The following ALK variants were observed in gnomAD, a reference collection of about 807,000 sequenced individuals.
ALK encodes ALK tyrosine kinase receptor.
In ALK, 74 loss-of-function variants were observed where a neutral mutation model predicts 163.1. The ratio of observed to expected loss-of-function variants is 0.45; its 90% confidence interval spans 0.38 to 0.55. The LOEUF is 0.55. ALK is among the 20% of genes least tolerant of loss of function. The pLI is 0.00. For missense variants in ALK, 2,063 were observed against 2,105.3 expected (o/e 0.98, Z 0.39); for synonymous variants, 960 against 843.2 (o/e 1.14, Z -2.40).
At chr2:29,892,290 G>A (rs563700670) in intron 1 of ALK, 2 of 152,330 alleles carry the variant, frequency 1.3e-5, no homozygotes, top group South Asian at 2.1e-4. Context: ...ATGGGAAGAT[G>A]CATGGAGCAG....
chr2:29,862,772 C>T lies in ALK; in HGVS notation c.667+57221G>A, dbSNP rs571235654. Among the ~76,000 whole-genome samples, 7 of 151,132 alleles carry T rather than the reference C, an allele frequency of 4.6e-5. No individual in the cohort carries two copies. In the South Asian group the frequency reaches 1.5e-3, roughly 32 times the overall value. ...TTTCACAGACATAGAGAAAGCAATC[C>T]TAAAATTCATATAGAACCAGAAAAG... On this transcript the variant is annotated intron_variant, in intron 1 of 28. Transcript: ENST00000389048.
chr2:29,399,411 C>T (rs1297261459), intron 4 of ALK, among the ~76,000 whole-genome samples: 1 of 152,206 alleles, frequency 6.6e-6, no homozygotes, highest in Non-Finnish European at 1.5e-5. Flanking sequence ...ACACATACAA[C>T]CCCCACCGCC....
At chr2:29,319,110 C>T (rs1327257059) in intron 7 of ALK, 1 of 152,318 alleles carries the variant, frequency 6.6e-6, no homozygotes, top group Non-Finnish European at 1.5e-5. Context: ...TGAAGACTCA[C>T]TTCTTATATT....
intron 4 of ALK, among the ~76,000 whole-genome samples, chr2:29,396,711 A>T (rs1669313433): frequency 6.6e-6 from 1 of 151,820 alleles, no homozygotes; most frequent in Admixed American, 6.6e-5. Flanking sequence ...AAAACCCTCA[A>T]ACATGACCAC....
chr2:29,729,507 T>C (rs906634012), intron 1 of ALK, among the ~76,000 whole-genome samples: 1 of 152,080 alleles, frequency 6.6e-6, no homozygotes, highest in Non-Finnish European at 1.5e-5. Flanking sequence ...AGTACCACGG[T>C]AAAAAGGCCA....
chr2:29,664,336 C>A (rs1168372806), intron 3 of ALK, among the ~76,000 whole-genome samples: 1 of 152,082 alleles, frequency 6.6e-6, no homozygotes, highest in South Asian at 2.1e-4. Flanking sequence ...TTACTAAATA[C>A]CCAGTTGTCC....
chr2:29,228,761 G>T (rs972849884), intron 16 of ALK, 123 bp downstream of exon 16: 2 of 723,828 alleles, frequency 2.8e-6, no homozygotes, highest in Non-Finnish European at 5.0e-6. Flanking sequence ...AGGGAGGCGT[G>T]CAGTCACATC....
At chr2:29,269,798 C>T (rs1315979819) in intron 11 of ALK, among the ~76,000 whole-genome samples, 1 of 151,634 alleles carries the variant, frequency 6.6e-6, no homozygotes, top group Non-Finnish European at 1.5e-5. Flanking sequence ...CCTTAATGAA[C>T]AGTCCCCCCC....
At chr2:29,207,315 G>A (rs780177604) in intron 25 of ALK, 43 bp from the exon 26 acceptor site, 2 of 1,451,682 alleles carry the variant, frequency 1.4e-6, no homozygotes, top group South Asian at 1.1e-5. Context: ...TCTGGAGATG[G>A]CATTAAGCAT....
At chr2:29,843,963 C>T (rs4666281) in intron 1 of ALK, among the ~76,000 whole-genome samples, 139,174 of 152,192 alleles carry the variant, frequency 0.91, 63,772 homozygotes, top group East Asian at 0.99. Flanking sequence ...ATCTCAAAAA[C>T]AGAGGTAAAT....
intron 9 of ALK, among the ~76,000 whole-genome samples, chr2:29,283,368 G>A (rs1052276790): frequency 9.9e-5 from 15 of 152,164 alleles, no homozygotes; most frequent in African/African-American, 1.7e-4. Context: ...AGAAAGGCCC[G>A]CCATCCATTC....
chr2:29,722,940 C>T (rs998104037), intron 1 of ALK, among the ~76,000 whole-genome samples: 1 of 152,156 alleles, frequency 6.6e-6, no homozygotes, highest in Admixed American at 6.5e-5. Context: ...TTTATTCACA[C>T]CCCACATCAA....
chr2:29,559,768 CGTGTGTGTGTGTGT>C (rs56285031), intron 3 of ALK, among the ~76,000 whole-genome samples: 6 of 143,130 alleles, frequency 4.2e-5, no homozygotes, highest in African/African-American at 1.0e-4. Context: ...GGAGCATGTA[CGTGTGTGTGTGTGT>C]GTGTGTGTGT....
chr2:29,920,048 C>G lies in ALK; in HGVS notation c.612G>C (p.Leu204=). ...GCTGGGAGGCGCGAATTGCCGCGGACAGCCTTCCCTCTCTGCCCACTTCCG... is the reference window on the plus strand; with the variant it reads ...GCTGGGAGGCGCGAATTGCCGCGGAGAGCCTTCCCTCTCTGCCCACTTCCG... The part of the protein sequence containing the change: ...KASEVGREGR[L]SAAIRASQPR... Residue 204 remains leucine, a synonymous_variant, in exon 1 of 29, where the codon CTG becomes CTC. Transcript: ENST00000389048. The G allele has an allele frequency of 6.2e-7, 1 of 1,614,198 alleles. No homozygotes were observed. The highest frequency in any genetic ancestry group is 8.5e-7 in the Non-Finnish European group (1 of 1,180,048).
At chr2:29,526,664 T>C (rs1672967528) in intron 4 of ALK, among the ~76,000 whole-genome samples, 1 of 152,244 alleles carries the variant, frequency 6.6e-6, no homozygotes, top group Non-Finnish European at 1.5e-5. Flanking sequence ...AATGATCACC[T>C]TTTTTATTTC....
At chr2:29,893,867 A>C (rs901521621) in intron 1 of ALK, among the ~76,000 whole-genome samples, 1 of 152,186 alleles carries the variant, frequency 6.6e-6, no homozygotes, top group African/African-American at 2.4e-5. Flanking sequence ...ATTTACAAGC[A>C]GAATGACCTT....
Position 29,388,517 on chromosome 2 carries a change from C to T in ALK, c.1155-4658G>A, listed in dbSNP as rs536723577. Among the ~76,000 whole-genome samples, 32 of 152,342 alleles carry T rather than the reference C, an allele frequency of 2.1e-4. 1 individual carries two copies. The highest frequency in any genetic ancestry group is 6.0e-4 in the African/African-American group (25 of 41,574). On this transcript the variant is annotated intron_variant, in intron 4 of 28. Transcript: ENST00000389048. The stretch of plus-strand genomic sequence containing the variant: ...CTCCACCATCCACCACCCTAAGCTA[C>T]GACCTTAGGCAAATGATTTAATTCC...
At chr2:29,418,355 T>C (rs1669930726) in intron 4 of ALK, among the ~76,000 whole-genome samples, 1 of 152,242 alleles carries the variant, frequency 6.6e-6, no homozygotes, top group South Asian at 2.1e-4. Flanking sequence ...CTCTACTCTC[T>C]TGTTTTTACA....
Position 29,391,052 on chromosome 2 carries a change from G to T in ALK, c.1155-7193C>A, listed in dbSNP as rs377740270. On this transcript the variant is annotated intron_variant, in intron 4 of 28. Coordinates refer to ENST00000389048, the MANE Select transcript of ALK (RefSeq NM_004304.5). Reference sequence around the variant, plus strand: ...GCTAAGGGGGCTCCAGGCTCTGTAGGGGGGGCCAAGGCAGGGCTGGGTTCC... The same window carrying T: ...GCTAAGGGGGCTCCAGGCTCTGTAGTGGGGGCCAAGGCAGGGCTGGGTTCC... 8.5e-5 allele frequency among the ~76,000 whole-genome samples: 13 copies of T among 152,218 alleles called. 1 individual carries two copies. The highest frequency in any genetic ancestry group is 1.9e-4 in the African/African-American group (8 of 41,522).
Sources: gnomAD v4.1 joint callset for allele counts (sites outside exome capture counted in the v4.1 genomes callset) on GRCh38, gnomAD v4.1.1 for gene constraint, MANE v1.5 for transcripts, NCBI Gene and HGNC (gene_info 2026-07-23, HGNC 2026-07-21) for gene names.